COMMD10: variants seen among roughly 807,000 people sequenced by gnomAD.
COMMD10 encodes COMM domain-containing protein 10.
Under a neutral mutation model 28.9 loss-of-function variants are expected in COMMD10, and 33 were observed. The ratio of observed to expected loss-of-function variants is 1.14; its 90% CI spans 0.87 to 1.53. COMMD10 has a LOEUF of 1.53. Among genes scored for constraint, COMMD10 ranks in the 40% most tolerant of loss-of-function variants. The probability of loss-of-function intolerance (pLI) is 0.00; values close to 1 mark genes in which losing one functional copy is unlikely to be tolerated. For missense variants in COMMD10, 310 were observed against 233.4 expected, an observed-to-expected ratio of 1.33 and a Z score of -2.14; for synonymous variants, 110 against 81.7, an observed-to-expected ratio of 1.35 and a Z score of -1.87.
chr5:116,265,655 AATG>A (rs1345119480), intron 5 of COMMD10, among the ~76,000 whole-genome samples: 1 of 151,828 alleles, frequency 6.6e-6, no homozygotes, highest in Admixed American at 6.6e-5. Context: ...GAACATAAAA[AATG>A]ATGATGATGA....
chr5:116,128,474 C>G (rs1032256991), intron 4 of COMMD10, among the ~76,000 whole-genome samples: 1 of 151,814 alleles, frequency 6.6e-6, no homozygotes, highest in African/African-American at 2.4e-5. Context: ...TAATATAATT[C>G]ATTGATATGA....
At chr5:116,277,118 A>G (rs572650105) in intron 5 of COMMD10, among the ~76,000 whole-genome samples, 4 of 151,892 alleles carry the variant, frequency 2.6e-5, no homozygotes, top group Non-Finnish European at 5.9e-5. Context: ...AAAAAAACCC[A>G]TGTTCCATCC....
At chr5:116,218,605 TGG>T (rs1393380653) in intron 5 of COMMD10, among the ~76,000 whole-genome samples, 1 of 152,302 alleles carries the variant, frequency 6.6e-6, no homozygotes, top group East Asian at 1.9e-4. Context: ...GACAGGTATA[TGG>T]GGTAGTGGTA....
chr5:116,276,293 C>G lies in COMMD10; in HGVS notation c.511-15224C>G, dbSNP rs891982239. 4.0e-5 allele frequency among the ~76,000 whole-genome samples: 6 copies of G among 151,706 alleles called. 1 individual carries two copies. Among genetic ancestry groups the G allele is most frequent in the Non-Finnish European group, 5.9e-5 (4 of 68,012 alleles). On this transcript the variant is annotated intron_variant, in intron 5 of 6. Coordinates refer to ENST00000274458, the MANE Select transcript of COMMD10 (RefSeq NM_016144.4). ...TTGAGATGGACTTCTGCTTTTGTCACCCAGGCTGTAGTGCAATGGCACTAT... is the reference window on the plus strand; with the variant it reads ...TTGAGATGGACTTCTGCTTTTGTCAGCCAGGCTGTAGTGCAATGGCACTAT...
chr5:116,130,703 T>C, intron 4 of COMMD10, among the ~76,000 whole-genome samples: 1 of 152,042 alleles, frequency 6.6e-6, no homozygotes, highest in Non-Finnish European at 1.5e-5. Flanking sequence ...TCCTTTCTTC[T>C]AGCCACATGG....
At chr5:116,223,577 G>T (rs4920908) in intron 5 of COMMD10, among the ~76,000 whole-genome samples, 38,662 of 151,980 alleles carry the variant, frequency 0.25, 6,445 homozygotes, top group African/African-American at 0.48. Flanking sequence ...AGTCCAGGGA[G>T]ATTTAACCTA....
chr5:116,187,266 A>C (rs1326365441), intron 5 of COMMD10, among the ~76,000 whole-genome samples: 1 of 152,154 alleles, frequency 6.6e-6, no homozygotes, highest in Non-Finnish European at 1.5e-5. Context: ...CTGAAAGCCA[A>C]ATGTTTAGCT....
chr5:116,226,062 A>G (rs949434722), intron 5 of COMMD10, among the ~76,000 whole-genome samples: 3 of 152,160 alleles, frequency 2.0e-5, no homozygotes, highest in Admixed American at 6.6e-5. Flanking sequence ...AGCTGTAGCT[A>G]TGGAGTTTGG....
intron 5 of COMMD10, among the ~76,000 whole-genome samples, chr5:116,192,224 C>A (rs1470768562): frequency 6.6e-6 from 1 of 151,080 alleles, no homozygotes; most frequent in African/African-American, 2.4e-5. Flanking sequence ...AACCAAAAAA[C>A]CAACTCTGGT....
intron 5 of COMMD10, among the ~76,000 whole-genome samples, chr5:116,150,811 A>C (rs1752499473): frequency 7.8e-6 from 1 of 128,150 alleles, no homozygotes; most frequent in Admixed American, 8.2e-5. Context: ...AAACAGGGAC[A>C]ATTTGACTTC....
At chr5:116,268,734 T>A (rs541786439) in intron 5 of COMMD10, among the ~76,000 whole-genome samples, 2 of 151,946 alleles carry the variant, frequency 1.3e-5, no homozygotes, top group Non-Finnish European at 2.9e-5. Flanking sequence ...TAAGAAAATG[T>A]GACACACATG....
chr5:116,219,645 C>T (rs1047065513), intron 5 of COMMD10, among the ~76,000 whole-genome samples: 2 of 152,168 alleles, frequency 1.3e-5, no homozygotes, highest in East Asian at 3.9e-4. Context: ...TCCTTGTTTT[C>T]TGCCCAGTGA....
chr5:116,152,594 G>A (rs1310500525), intron 5 of COMMD10, among the ~76,000 whole-genome samples: 2 of 152,058 alleles, frequency 1.3e-5, no homozygotes, highest in Non-Finnish European at 2.9e-5. Context: ...TGTTAAAAGA[G>A]GAAGTGAATG....
At chr5:116,151,881 T>C (rs966910131) in intron 5 of COMMD10, among the ~76,000 whole-genome samples, 16 of 152,202 alleles carry the variant, frequency 1.1e-4, no homozygotes, top group Non-Finnish European at 2.4e-4. Flanking sequence ...ATTTTAGTTA[T>C]TTCTTGCCTT....
chr5:116,130,218 A>G (rs1000430752), intron 4 of COMMD10, among the ~76,000 whole-genome samples: 1 of 151,882 alleles, frequency 6.6e-6, no homozygotes, highest in Non-Finnish European at 1.5e-5. Flanking sequence ...TATGCGGGAC[A>G]TTATTTTAAG....
At chr5:116,106,798 A>G (rs963340519) in intron 4 of COMMD10, among the ~76,000 whole-genome samples, 2 of 151,618 alleles carry the variant, frequency 1.3e-5, no homozygotes, top group African/African-American at 4.9e-5. Context: ...TAGGATTGCA[A>G]CCCCTCCTTT....
chr5:116,162,367 A>T (rs1289510820), intron 5 of COMMD10, among the ~76,000 whole-genome samples: 1 of 151,772 alleles, frequency 6.6e-6, no homozygotes, highest in Admixed American at 6.6e-5. Context: ...ATTTAAATTT[A>T]TGAAATCTTT....
chr5:116,287,653 G>T (rs1751254336), intron 5 of COMMD10, among the ~76,000 whole-genome samples: 1 of 151,318 alleles, frequency 6.6e-6, no homozygotes, highest in African/African-American at 2.4e-5. Context: ...CTCTCTCATT[G>T]CCTTTCTTTG....
chr5:116,163,552 G>A (rs1752991917), intron 5 of COMMD10, among the ~76,000 whole-genome samples: 1 of 151,690 alleles, frequency 6.6e-6, no homozygotes, highest in Non-Finnish European at 1.5e-5. Flanking sequence ...TTGCACCATC[G>A]CGCTCCAGCC....
Sources: gnomAD v4.1 joint callset for allele counts (sites outside exome capture counted in the v4.1 genomes callset) on GRCh38, gnomAD v4.1.1 for gene constraint, MANE v1.5 for transcripts, NCBI Gene and HGNC (gene_info 2026-07-23, HGNC 2026-07-21) for gene names.